The following EMC8 variants were observed in gnomAD, a reference collection of about 807,000 sequenced individuals.
EMC8 encodes the protein COX4 neighbor.
A neutral mutation model predicts 24.3 loss-of-function variants in EMC8; 11 were observed. The ratio of observed to expected loss-of-function variants is 0.45; its 90% CI spans 0.28 to 0.75. EMC8 has a LOEUF of 0.75. EMC8 is among the 30% of genes least tolerant of loss of function. The pLI, the probability that EMC8 is intolerant of heterozygous loss-of-function variation, is 0.12. For synonymous variants in EMC8, 145 were observed against 117.7 expected (o/e 1.23, Z -1.50); for missense variants, 277 against 282.7 (o/e 0.98, Z 0.14).
intron 2 of EMC8, among the ~76,000 whole-genome samples, chr16:85,787,120 C>A (rs955417299): frequency 5.3e-5 from 8 of 152,174 alleles, no homozygotes; most frequent in African/African-American, 1.9e-4. Flanking sequence ...CACAGAGGAG[C>A]CCTCAGCTGT....
At chr16:85,796,537 G>T (rs890472139) in intron 1 of EMC8, among the ~76,000 whole-genome samples, 1 of 152,146 alleles carries the variant, frequency 6.6e-6, no homozygotes, top group African/African-American at 2.4e-5. Flanking sequence ...GCTTCCCTCT[G>T]TCCTCAGGAT....
intron 1 of EMC8, among the ~76,000 whole-genome samples, chr16:85,792,264 G>C (rs1214110875): frequency 6.6e-6 from 1 of 152,156 alleles, no homozygotes; most frequent in South Asian, 2.1e-4. Context: ...AAAACTCCAA[G>C]GGCCCAACCA....
chr16:85,799,116 G>A lies in EMC8; in HGVS notation c.180C>T (p.Leu60=). ...GGGCGAGGGCCAGGGTGCCGTGGAA[G>A]AGGGGGATGCAGTCCACGAAGAGGG... The part of the protein sequence containing the change: ...HHTLFVDCIP[L]FHGTLALAPM... The change falls in exon 1 of 5, where the codon CTC becomes CTT. Residue 60 remains leucine, a synonymous_variant. Coordinates refer to ENST00000253457, the MANE Select transcript of EMC8 (RefSeq NM_006067.5). This position sits in a 1 kb window ranked among gnomAD's most constrained non-coding sequence, Gnocchi z 4.2. 1 of 1,588,748 alleles carries A rather than the reference G, an allele frequency of 6.3e-7. No homozygotes were observed. Among genetic ancestry groups the A allele is most frequent in the Non-Finnish European group, 8.6e-7 (1 of 1,167,862 alleles).
chr16:85,792,756 G>C (rs542595520), intron 1 of EMC8: 1 of 152,176 alleles, frequency 6.6e-6, no homozygotes, highest in African/African-American at 2.4e-5. Flanking sequence ...TGGCAGCTAG[G>C]AGTCAAGGCA....
At chr16:85,792,391 T>C (rs539846002) in intron 1 of EMC8, 38 of 152,268 alleles carry the variant, frequency 2.5e-4, no homozygotes, top group African/African-American at 8.7e-4. Flanking sequence ...TTTAGAACTT[T>C]TGAATGACAC....
At position 85,799,457 on chromosome 16, in the gene EMC8, C is replaced by T. The variant is rs1905483062; in HGVS notation, c.-162G>A. The T allele has an allele frequency of 2.4e-6, 1 of 408,686 alleles. No individual in the cohort carries two copies. The highest frequency in any genetic ancestry group is 8.8e-5 in the South Asian group (1 of 11,346). 25.3% of individuals were successfully genotyped at this position (408,686 alleles called of 1,614,324 possible). On this transcript the variant is annotated 5_prime_UTR_variant, in exon 1 of 5. Coordinates refer to ENST00000253457, the MANE Select transcript of EMC8 (RefSeq NM_006067.5). The surrounding 1 kb of genome is among the most constrained non-coding windows in gnomAD (Gnocchi z 4.2). Reference sequence around the variant, plus strand: ...CCCTTCAGGCCCGGCCCCGTTTGGGCCTCGGCTCCTGGAAAAGCGACTCGC... The same window carrying T: ...CCCTTCAGGCCCGGCCCCGTTTGGGTCTCGGCTCCTGGAAAAGCGACTCGC...
At chr16:85,798,432 T>C (rs909187601) in intron 1 of EMC8, among the ~76,000 whole-genome samples, 19 of 152,002 alleles carry the variant, frequency 1.2e-4, no homozygotes, top group Non-Finnish European at 1.6e-4. Flanking sequence ...CCACAGAAAT[T>C]CTTTAGCTTT....
intron 2 of EMC8, among the ~76,000 whole-genome samples, chr16:85,782,295 T>G (rs1270337235): frequency 1.3e-5 from 2 of 152,244 alleles, no homozygotes; most frequent in Non-Finnish European, 2.9e-5. Flanking sequence ...TCCACGCTCA[T>G]GAGCCTCCAC....
chr16:85,794,607 T>C (rs1905166748), intron 1 of EMC8, among the ~76,000 whole-genome samples: 1 of 152,142 alleles, frequency 6.6e-6, no homozygotes, highest in African/African-American at 2.4e-5. Flanking sequence ...GAGAATCGCT[T>C]GAACCTGAGA....
intron 2 of EMC8, chr16:85,784,472 A>G (rs550008397): frequency 3.3e-5 from 5 of 152,368 alleles, no homozygotes; most frequent in Admixed American, 2.6e-4. Flanking sequence ...AAATTGACAA[A>G]GTGATGTACT....
intron 1 of EMC8, among the ~76,000 whole-genome samples, chr16:85,794,555 G>A (rs903324168): frequency 3.3e-5 from 5 of 152,120 alleles, no homozygotes; most frequent in Admixed American, 2.0e-4. Flanking sequence ...CGTGCGTGGC[G>A]GTGTGCGCTG....
intron 1 of EMC8, among the ~76,000 whole-genome samples, chr16:85,793,172 C>T (rs1255529607): frequency 6.6e-6 from 1 of 152,192 alleles, no homozygotes; most frequent in African/African-American, 2.4e-5. Context: ...TGCACAGAGG[C>T]AGTAGCTTCT....
intron 1 of EMC8, among the ~76,000 whole-genome samples, chr16:85,796,183 A>T (rs1314620288): frequency 2.0e-5 from 3 of 152,002 alleles, no homozygotes; most frequent in African/African-American, 7.3e-5. Context: ...TCTCAAACTT[A>T]ACATACCCCA....
chr16:85,789,855 T>C (rs570260651), intron 1 of EMC8, among the ~76,000 whole-genome samples: 2 of 151,426 alleles, frequency 1.3e-5, no homozygotes, highest in African/African-American at 4.9e-5. Context: ...CACCGCATCA[T>C]GAAATACCCC....
At chr16:85,788,888 G>C (rs983416764) in intron 2 of EMC8, 86 bp downstream of exon 2, 3 of 868,010 alleles carry the variant, frequency 3.5e-6, no homozygotes, top group East Asian at 2.6e-5. Context: ...CACAGGTTTC[G>C]TATCTGGCCG....
chr16:85,795,549 A>AC (rs11428258), intron 1 of EMC8, among the ~76,000 whole-genome samples: 152,199 of 152,200 alleles, frequency 1, 76,099 homozygotes, highest in Middle Eastern at 1. Flanking sequence ...GGGTCTTAAG[A>AC]CCTCCAGGAG....
intron 1 of EMC8, among the ~76,000 whole-genome samples, chr16:85,793,936 G>A (rs1015087895): frequency 6.6e-6 from 1 of 152,038 alleles, no homozygotes; most frequent in Non-Finnish European, 1.5e-5. Flanking sequence ...CATGCAAAAA[G>A]CATGCACAAA....
At chr16:85,793,719 C>T (rs1410576229) in intron 1 of EMC8, among the ~76,000 whole-genome samples, 2 of 152,148 alleles carry the variant, frequency 1.3e-5, no homozygotes, top group African/African-American at 4.8e-5. Context: ...GTCATCTGCG[C>T]AGAATGTAAC....
At chr16:85,797,886 A>G (rs1419867452) in intron 1 of EMC8, among the ~76,000 whole-genome samples, 4 of 152,248 alleles carry the variant, frequency 2.6e-5, no homozygotes, top group Non-Finnish European at 2.9e-5. Flanking sequence ...GCTACAGTTT[A>G]CTTTTCCTTC....
Sources: allele counts gnomAD v4.1 joint callset (sites outside exome capture counted in the v4.1 genomes callset), GRCh38; gene constraint gnomAD v4.1.1; non-coding constraint Gnocchi (gnomAD v3.1); transcripts MANE v1.5; gene names NCBI Gene and HGNC (gene_info 2026-07-23, HGNC 2026-07-21).